The following MEGF6 variants were observed in gnomAD, a reference collection of about 807,000 sequenced individuals.
MEGF6 encodes multiple epidermal growth factor-like domains protein 6.
In MEGF6, 184 loss-of-function variants were observed where a neutral mutation model predicts 207.1. The ratio of observed to expected loss-of-function variants is 0.89; its 90% CI spans 0.79 to 1.00. The LOEUF (loss-of-function observed/expected upper bound fraction) is 1.00. Among genes scored for constraint, MEGF6 ranks in the 50% least tolerant of loss-of-function variants. The probability of loss-of-function intolerance (pLI) is 0.00; values close to 1 mark genes in which losing one functional copy is unlikely to be tolerated. For missense variants in MEGF6, 2,282 were observed against 2,202.9 expected, an observed-to-expected ratio of 1.04 and a Z score of -0.72; for synonymous variants, 1,038 against 910.0, an observed-to-expected ratio of 1.14 and a Z score of -2.53.
Position 3,498,511 on chromosome 1 carries a change from G to A in MEGF6, c.3224-12C>T. The stretch of plus-strand genomic sequence containing the variant: ...CCGGGGGAGGCACTCTACAGGAGCA[G>A]AGGCAGGCACGAGGGTGAGGGTCCT... On this transcript the variant is annotated splice_polypyrimidine_tract_variant and intron_variant, in intron 25 of 36. Transcript: ENST00000356575. The A allele has an allele frequency of 6.4e-7, 1 of 1,563,076 alleles. No homozygotes were observed.
intron 4 of MEGF6, among the ~76,000 whole-genome samples, chr1:3,548,466 G>C (rs968118718): frequency 3.3e-5 from 5 of 152,252 alleles, no homozygotes; most frequent in Non-Finnish European, 7.3e-5. Context: ...AATTTTTTGG[G>C]AATTCCTAGA....
Position 3,602,604 on chromosome 1 carries a change from G to C in MEGF6, c.132-4C>G, listed in dbSNP as rs1644178450. On this transcript the variant is annotated splice_region_variant and splice_polypyrimidine_tract_variant and intron_variant, in intron 1 of 36. Coordinates refer to ENST00000356575, the MANE Select transcript of MEGF6 (RefSeq NM_001409.4). ...CTGCTCAGCACACACGTGGGGCCTG[G>C]AACAGAGACACGGAGAGTCAGCGCC... is the stretch of plus-strand genomic sequence containing the variant. 1.2e-6 allele frequency: 2 copies of C among 1,604,464 alleles called. No individual in the cohort carries two copies. The highest frequency in any genetic ancestry group is 1.3e-5 in the African/African-American group (1 of 74,776).
chr1:3,530,708 T>A (rs1642124999), intron 4 of MEGF6, among the ~76,000 whole-genome samples: 1 of 152,180 alleles, frequency 6.6e-6, no homozygotes, highest in Admixed American at 6.5e-5. Flanking sequence ...GAGACTCAGC[T>A]CCGGGGGTCT....
chr1:3,516,815 C>G (rs1484763092), intron 5 of MEGF6, among the ~76,000 whole-genome samples: 1 of 152,214 alleles, frequency 6.6e-6, no homozygotes, highest in Non-Finnish European at 1.5e-5. Flanking sequence ...AGGGTCCCCT[C>G]CTGGGGCAGA....
intron 1 of MEGF6, 30 bp downstream of exon 1, chr1:3,611,108 G>A: frequency 6.9e-7 from 1 of 1,458,328 alleles, no homozygotes; most frequent in Admixed American, 2.6e-5. Flanking sequence ...CTGGACGACC[G>A]GCCGAGCCCT....
chr1:3,508,237 G>A (rs1481563483), intron 13 of MEGF6, among the ~76,000 whole-genome samples: 3 of 152,224 alleles, frequency 2.0e-5, no homozygotes, highest in Admixed American at 2.0e-4. Flanking sequence ...CTGCCCTTCA[G>A]CAGACACCCC....
At chr1:3,517,520 C>T (rs573255036) in intron 5 of MEGF6, among the ~76,000 whole-genome samples, 6 of 152,236 alleles carry the variant, frequency 3.9e-5, no homozygotes, top group African/African-American at 1.2e-4. Context: ...CACGGATTCC[C>T]GGAAAGCTGA....
intron 23 of MEGF6, 107 bp downstream of exon 23, chr1:3,499,481 T>C (rs371885139): frequency 1.1e-5 from 17 of 1,486,190 alleles, no homozygotes; most frequent in Middle Eastern, 2.4e-4. Flanking sequence ...TCAGGGGGGT[T>C]GCCTGGTAGC....
Position 3,556,248 on chromosome 1 carries a change from T to A in MEGF6, c.481+23577A>T, listed in dbSNP as rs1284386683. ...GATGGGGAGTGGGGCAGGGTCCCCATACATAACCTAGAGCTCTGTGTGAGG... is the reference window on the plus strand; with the variant it reads ...GATGGGGAGTGGGGCAGGGTCCCCAAACATAACCTAGAGCTCTGTGTGAGG... On this transcript the variant is annotated intron_variant, in intron 4 of 36. Coordinates refer to ENST00000356575, the MANE Select transcript of MEGF6 (RefSeq NM_001409.4). The surrounding 1 kb of genome is among the most constrained non-coding windows in gnomAD (Gnocchi z 4.4). Among the ~76,000 whole-genome samples, 1 of 152,178 alleles carries A rather than the reference T, an allele frequency of 6.6e-6. No individual in the cohort carries two copies. Among genetic ancestry groups the A allele is most frequent in the Non-Finnish European group, 1.5e-5 (1 of 68,030 alleles).
Position 3,540,212 on chromosome 1 carries a change from G to A in MEGF6, c.482-15966C>T, listed in dbSNP as rs575370731. 1.4e-4 allele frequency among the ~76,000 whole-genome samples: 21 copies of A among 152,346 alleles called. No individual in the cohort carries two copies. In the East Asian group the frequency reaches 2.9e-3, roughly 21 times the overall value. On this transcript the variant is annotated intron_variant, in intron 4 of 36. Transcript: ENST00000356575. ...TCCCGGCTTGGCCTTAACTGAGAAC[G>A]TGCCTGCCAGGGTGTGCTCATTAGA...
rs997365909 is a variant in MEGF6, at chr1:3,560,841, G to A, written c.481+18984C>T. On this transcript the variant is annotated intron_variant, in intron 4 of 36. Coordinates refer to ENST00000356575, the MANE Select transcript of MEGF6 (RefSeq NM_001409.4). This position sits in a 1 kb window ranked among gnomAD's most constrained non-coding sequence, Gnocchi z 4.0. ...AACAGCCTCAGGCGTCGGCCGCGAG[G>A]GGGTTGCTGGGCTGGCTGGTCCCCC... is the stretch of plus-strand genomic sequence containing the variant. The A allele has an allele frequency of 4.5e-6, 2 of 443,670 alleles. No individual in the cohort carries two copies. Among genetic ancestry groups the A allele is most frequent in the African/African-American group, 2.5e-5 (1 of 40,050 alleles). 27.5% of individuals were successfully genotyped at this position (443,670 alleles called of 1,614,324 possible).
At chr1:3,615,999 C>T (rs1644375701), upstream of MEGF6, among the ~76,000 whole-genome samples, 1 of 152,242 alleles carries the variant, frequency 6.6e-6, no homozygotes. Context: ...ACTACCTTTC[C>T]ATGTTTTTGT....
intron 3 of MEGF6, among the ~76,000 whole-genome samples, chr1:3,587,528 G>C (rs1308678046): frequency 4.6e-5 from 7 of 152,256 alleles, no homozygotes; most frequent in Admixed American, 4.6e-4. Flanking sequence ...CAATGTTGAC[G>C]GGCGTGTGGA....
At chr1:3,614,786 C>T (rs577675675), upstream of MEGF6, among the ~76,000 whole-genome samples, 6 of 152,338 alleles carry the variant, frequency 3.9e-5, no homozygotes, top group Non-Finnish European at 4.4e-5. Flanking sequence ...TGCTGTCCGC[C>T]GTGAAGGAGG....
rs1640260391 is a variant in MEGF6 at position 3,489,327 on chromosome 1, G to C, written c.*1201C>G. Among the ~76,000 whole-genome samples the C allele has an allele frequency of 6.6e-6, 1 of 152,228 alleles. No homozygotes were observed. Among genetic ancestry groups the C allele is most frequent in the Non-Finnish European group, 1.5e-5 (1 of 68,032 alleles). Reference sequence around the variant, plus strand: ...TACCTTGGCTGGTTTTAGGGTGATGGGGGCGGCAGCCCAGACCCTAAGGGG... The same window carrying C: ...TACCTTGGCTGGTTTTAGGGTGATGCGGGCGGCAGCCCAGACCCTAAGGGG... On this transcript the variant is annotated 3_prime_UTR_variant, in exon 37 of 37. Transcript: ENST00000356575.
intron 5 of MEGF6, among the ~76,000 whole-genome samples, chr1:3,516,750 T>G (rs993175772): frequency 1.2e-4 from 18 of 152,138 alleles, no homozygotes; most frequent in Admixed American, 3.9e-4. Context: ...CAGAGCAAGC[T>G]GGCTTAAAAA....
intron 15 of MEGF6, 34 bp from the exon 16 acceptor site, chr1:3,505,590 TC>T (rs768886512): frequency 6.6e-7 from 1 of 1,518,228 alleles, no homozygotes; most frequent in African/African-American, 1.4e-5. Context: ...GGGGCTCCCG[TC>T]TGAAGCCCCA....
chr1:3,529,890 A>G (rs1407686822), intron 4 of MEGF6, among the ~76,000 whole-genome samples: 1 of 152,232 alleles, frequency 6.6e-6, no homozygotes, highest in African/African-American at 2.4e-5. Context: ...CCTGCCAGAA[A>G]GCTCCGCTCA....
At chr1:3,497,387 G>T in intron 26 of MEGF6, 26 bp from the exon 27 acceptor site, 1 of 1,506,550 alleles carries the variant, frequency 6.6e-7, no homozygotes, top group East Asian at 2.4e-5. Context: ...GGCTGCGGAG[G>T]CTTCTAGGAG....
Sources: allele counts gnomAD v4.1 joint callset (sites outside exome capture counted in the v4.1 genomes callset), GRCh38; gene constraint gnomAD v4.1.1; non-coding constraint Gnocchi (gnomAD v3.1); transcripts MANE v1.5; gene names NCBI Gene and HGNC (gene_info 2026-07-23, HGNC 2026-07-21).